The following RIN2 variants were observed in gnomAD, a reference collection of about 807,000 sequenced individuals.
RIN2 encodes Ras and Rab interactor 2.
A neutral mutation model predicts 78.0 loss-of-function variants in RIN2; 36 were observed. The observed-to-expected ratio is 0.46, with a 90% CI of 0.35 to 0.61. The LOEUF (loss-of-function observed/expected upper bound fraction) is 0.61, where lower values mean the gene tolerates loss of function less well. RIN2 is among the 20% of genes least tolerant of loss of function. The pLI is 0.00. For synonymous variants in RIN2, 466 were observed against 466.8 expected (o/e 1.00, Z 0.02); for missense variants, 1,087 against 1,159.7 (o/e 0.94, Z 0.91).
At chr20:19,813,320 G>A (rs2035661266) in intron 2 of RIN2, among the ~76,000 whole-genome samples, 1 of 152,220 alleles carries the variant, frequency 6.6e-6, no homozygotes, top group African/African-American at 2.4e-5. Context: ...CCATCCATTT[G>A]CCATATCATG....
chr20:19,968,843 C>T (rs758106905), intron 7 of RIN2, among the ~76,000 whole-genome samples: 5 of 152,172 alleles, frequency 3.3e-5, no homozygotes, highest in Non-Finnish European at 4.4e-5. Context: ...CATTAATCTT[C>T]ACTTGAGATT....
intron 2 of RIN2, among the ~76,000 whole-genome samples, chr20:19,847,195 T>C (rs1297491024): frequency 6.6e-6 from 1 of 152,226 alleles, no homozygotes. Flanking sequence ...CCTTTTTTGC[T>C]TTTTATCCTT....
intron 4 of RIN2, among the ~76,000 whole-genome samples, chr20:19,938,495 G>T (rs1240185975): frequency 1.3e-5 from 2 of 151,998 alleles, no homozygotes; most frequent in African/African-American, 4.8e-5. Context: ...AAATTGCTGG[G>T]ATTACAAGTG....
chr20:19,962,216 C>A (rs1439057464), intron 6 of RIN2, among the ~76,000 whole-genome samples: 1 of 151,158 alleles, frequency 6.6e-6, no homozygotes, highest in Non-Finnish European at 1.5e-5. Flanking sequence ...GAGGTGGGAT[C>A]ACTTAAGTGC....
chr20:19,809,531 C>G (rs1568771711), intron 2 of RIN2: 1 of 152,278 alleles, frequency 6.6e-6, no homozygotes, highest in African/African-American at 2.4e-5. Flanking sequence ...TTAGGTGCAT[C>G]CTTCGAATGT....
intron 2 of RIN2, among the ~76,000 whole-genome samples, chr20:19,855,362 T>C (rs975305969): frequency 5.3e-5 from 8 of 152,160 alleles, no homozygotes; most frequent in African/African-American, 1.4e-4. Context: ...TGTGTCTCTG[T>C]CAGGCTTTGG....
chr20:19,926,504 C>A (rs1211061556), intron 3 of RIN2, among the ~76,000 whole-genome samples: 1 of 151,912 alleles, frequency 6.6e-6, no homozygotes, highest in African/African-American at 2.4e-5. Context: ...ATTTTCCAGA[C>A]TAGTTTAGAA....
At chr20:19,835,811 C>T (rs2036404339) in intron 2 of RIN2, among the ~76,000 whole-genome samples, 1 of 152,122 alleles carries the variant, frequency 6.6e-6, no homozygotes, top group South Asian at 2.1e-4. Context: ...AGGAAAATCT[C>T]TCCTCTCCAT....
chr20:19,889,671 C>T lies in RIN2; in HGVS notation c.57+13C>T, dbSNP rs1287828856. The T allele has an allele frequency of 3.4e-6, 5 of 1,482,956 alleles. No homozygotes were observed. The highest frequency in any genetic ancestry group is 2.8e-5 in the African/African-American group (2 of 70,706). 91.9% of individuals were successfully genotyped at this position (1,482,956 alleles called of 1,614,324 possible). A position where few individuals can be genotyped will look rare whatever the true frequency, so the allele number is the denominator to read the frequency against. On this transcript the variant is annotated intron_variant, in intron 3 of 12. Transcript: ENST00000255006. Reference sequence around the variant, plus strand: ...AAGTTTCTTTAAGGTAAAAGGAAGCCTTGATTGGGATCTCAACTCGTCGGC... The same window carrying T: ...AAGTTTCTTTAAGGTAAAAGGAAGCTTTGATTGGGATCTCAACTCGTCGGC...
intron 2 of RIN2, chr20:19,886,899 A>G (rs2038222767): frequency 1.7e-6 from 1 of 585,486 alleles, no homozygotes; most frequent in Admixed American, 3.2e-5. Flanking sequence ...ATCGTTTTAA[A>G]TGGTATTAAA....
At chr20:19,761,338 T>C (rs564741175) in intron 1 of RIN2, among the ~76,000 whole-genome samples, 173 of 152,332 alleles carry the variant, frequency 1.1e-3, no homozygotes, top group African/African-American at 3.9e-3. Flanking sequence ...TAGGATGCAG[T>C]TTTGCTAAAC....
At chr20:19,917,074 C>T (rs930249376) in intron 3 of RIN2, among the ~76,000 whole-genome samples, 1 of 151,776 alleles carries the variant, frequency 6.6e-6, no homozygotes, top group Admixed American at 6.6e-5. Context: ...TTGAAGTCAG[C>T]CCCTGCTGTG....
intron 6 of RIN2, among the ~76,000 whole-genome samples, chr20:19,964,661 G>A (rs1465795528): frequency 1.3e-5 from 2 of 151,934 alleles, no homozygotes; most frequent in African/African-American, 4.8e-5. Context: ...CCTGCCCTTT[G>A]TGTTCTGAAG....
chr20:19,955,087 C>T (rs770227624), intron 4 of RIN2, among the ~76,000 whole-genome samples: 7 of 152,166 alleles, frequency 4.6e-5, no homozygotes, highest in Non-Finnish European at 8.8e-5. Context: ...AAACCTGGTA[C>T]CTGTTTGCAA....
rs1252602918 is a variant in RIN2 at position 19,790,863 on chromosome 20, T to C, written c.-162-8759T>C. The stretch of plus-strand genomic sequence containing the variant: ...GGTCACTAGCTCCCATAGGTTTGCA[T>C]TGTAAAATGGAAACCCTTCCCTTTG... On this transcript the variant is annotated intron_variant, in intron 1 of 12. Coordinates refer to ENST00000255006, the MANE Select transcript of RIN2 (RefSeq NM_018993.4). Among the ~76,000 whole-genome samples, 3 of 152,216 alleles carry C rather than the reference T, an allele frequency of 2.0e-5. 1 individual carries two copies. Among genetic ancestry groups the C allele is most frequent in the South Asian group, 4.2e-4 (2 of 4,818 alleles).
chr20:19,975,639 C>T lies in RIN2; in HGVS notation c.1614C>T (p.Ser538=). The T allele has an allele frequency of 1.2e-6, 2 of 1,613,844 alleles. No individual in the cohort carries two copies. Among genetic ancestry groups the T allele is most frequent in the Non-Finnish European group, 1.7e-6 (2 of 1,179,888 alleles). ...YFGCLVQDYV[S]FLQENKECHV... ...GGTGCTTAGTGCAGGACTACGTGAG[C>T]TTCCTGCAGGAGAACAAGGAGTGCC... Residue 538 remains serine (S), a synonymous_variant, in exon 9 of 13, where the codon AGC becomes AGT. Transcript: ENST00000255006. This position sits in a 1 kb window ranked among gnomAD's most constrained non-coding sequence, Gnocchi z 4.9.
chr20:19,773,220 G>A (rs1324500650), intron 1 of RIN2, among the ~76,000 whole-genome samples: 3 of 152,152 alleles, frequency 2.0e-5, no homozygotes, highest in Admixed American at 2.0e-4. Context: ...CCCCTTTCCT[G>A]TTGGATTGGG....
At chr20:19,929,561 C>A (rs1190276424) in intron 3 of RIN2, among the ~76,000 whole-genome samples, 1 of 152,094 alleles carries the variant, frequency 6.6e-6, no homozygotes, top group East Asian at 1.9e-4. Context: ...GGGATTTTAT[C>A]ATGTTGGCGA....
intron 1 of RIN2, among the ~76,000 whole-genome samples, chr20:19,759,402 T>A (rs2033535911): frequency 2.0e-5 from 3 of 152,142 alleles, no homozygotes. Flanking sequence ...AAGAAACACT[T>A]GCTGGGAGTG....
Sources: allele counts gnomAD v4.1 joint callset (sites outside exome capture counted in the v4.1 genomes callset), GRCh38; gene constraint gnomAD v4.1.1; non-coding constraint Gnocchi (gnomAD v3.1); transcripts MANE v1.5; gene names NCBI Gene and HGNC (gene_info 2026-07-23, HGNC 2026-07-21).